Variants in TRAK2 observed in about 807,000 individuals in gnomAD.
TRAK2 encodes trafficking kinesin protein 2, also known as trafficking kinesin-binding protein 2.
In TRAK2, 81 loss-of-function variants were observed where a neutral mutation model predicts 104.6. The observed-to-expected ratio is 0.77, with a 90% CI of 0.65 to 0.93. TRAK2 has a LOEUF of 0.93. Among genes scored for constraint, TRAK2 ranks in the 40% least tolerant of loss-of-function variants. TRAK2 has a pLI of 0.00. For missense variants in TRAK2, 1,002 were observed against 1,089.0 expected (o/e 0.92, Z 1.12); for synonymous variants, 406 against 394.4 (o/e 1.03, Z -0.35).
intron 1 of TRAK2, among the ~76,000 whole-genome samples, chr2:201,426,206 C>G (rs1052524108): frequency 6.6e-6 from 1 of 152,196 alleles, no homozygotes; most frequent in African/African-American, 2.4e-5. Flanking sequence ...TGCCTGAGCT[C>G]TGCCTCCTGT....
chr2:201,439,300 T>G (rs1273565708), intron 1 of TRAK2, among the ~76,000 whole-genome samples: 1 of 152,202 alleles, frequency 6.6e-6, no homozygotes, highest in Non-Finnish European at 1.5e-5. Flanking sequence ...CTATACCAAC[T>G]AAGCTCATCG....
chr2:201,386,532 C>T (rs755706212), intron 13 of TRAK2, 48 bp from the exon 14 acceptor site: 19 of 1,596,376 alleles, frequency 1.2e-5, no homozygotes, highest in Non-Finnish European at 1.6e-5. Context: ...TTACATTTCC[C>T]ACAAATCTTA....
At chr2:201,450,756 A>T (rs994210564) in intron 1 of TRAK2, among the ~76,000 whole-genome samples, 1 of 151,912 alleles carries the variant, frequency 6.6e-6, no homozygotes, top group African/African-American at 2.4e-5. Flanking sequence ...AAGAGCAAGT[A>T]ACATCCCTAT....
chr2:201,386,128 T>A, intron 14 of TRAK2, 90 bp downstream of exon 14: 1 of 1,406,492 alleles, frequency 7.1e-7, no homozygotes, highest in East Asian at 2.3e-5. Context: ...TACCCTCCAG[T>A]GAGCAGAGGT....
chr2:201,393,449 A>C (rs1951466571), intron 9 of TRAK2, among the ~76,000 whole-genome samples: 1 of 152,180 alleles, frequency 6.6e-6, no homozygotes, highest in African/African-American at 2.4e-5. Context: ...AGAGCCTACA[A>C]AGTGTTATAT....
At chr2:201,435,505 A>G (rs1559454203) in intron 1 of TRAK2, among the ~76,000 whole-genome samples, 1 of 152,232 alleles carries the variant, frequency 6.6e-6, no homozygotes, top group Non-Finnish European at 1.5e-5. Flanking sequence ...AACACTGCAA[A>G]AGCCTTTTCA....
rs753726028 is a variant in TRAK2 at position 201,399,454 on chromosome 2, C to T, written c.403G>A (p.Ala135Thr). ...AAGACATGGTTCCGCTTTAAGAGAG[C>T]TTGTCCAATTCGAGCAGCGAGTTCC... ...DLELAARIGQ[A>T]LLKRNHVLSE... The change falls in exon 5 of 16, where the codon GCT becomes ACT. Residue 135 changes from alanine (A) to threonine (T), a missense_variant. Transcript: ENST00000332624. 5 of 1,612,740 alleles carry T rather than the reference C, an allele frequency of 3.1e-6. No homozygotes were observed. The South Asian group carries it at 4.4e-5, about 14-fold the overall frequency.
intron 9 of TRAK2, among the ~76,000 whole-genome samples, chr2:201,394,543 G>T (rs568743367): frequency 2.2e-3 from 328 of 152,096 alleles, no homozygotes; most frequent in African/African-American, 7.4e-3. Context: ...GTTTCACCAT[G>T]TTGGCCAGGC....
chr2:201,413,433 T>G, intron 2 of TRAK2: 1 of 433,778 alleles, frequency 2.3e-6, no homozygotes, highest in Non-Finnish European at 4.1e-6. Flanking sequence ...ACGTGGCAGC[T>G]GGAGGAGGGA....
At chr2:201,449,979 C>T (rs1404782407) in intron 1 of TRAK2, among the ~76,000 whole-genome samples, 1 of 152,010 alleles carries the variant, frequency 6.6e-6, no homozygotes, top group East Asian at 1.9e-4. Flanking sequence ...AGGAGTGAGC[C>T]ACAGCGCCCG....
chr2:201,437,033 T>G (rs888372747), intron 1 of TRAK2, among the ~76,000 whole-genome samples: 24 of 152,230 alleles, frequency 1.6e-4, no homozygotes, highest in African/African-American at 4.8e-4. Flanking sequence ...TAAGACTCAT[T>G]GTTTTTCAAA....
At position 201,389,881 on chromosome 2, in the gene TRAK2, C is replaced by T. The variant is rs906059713; in HGVS notation, c.1114-1G>A. Reference sequence around the variant, plus strand: ...CCTCAATCTCAGCTGCCAAAGATTCCTAAGAAAAAGAGTTTGAGATTTCTA... The same window carrying T: ...CCTCAATCTCAGCTGCCAAAGATTCTTAAGAAAAAGAGTTTGAGATTTCTA... On this transcript the variant is annotated splice_acceptor_variant, in intron 10 of 15. Transcript: ENST00000332624. LOFTEE classifies it high-confidence loss of function. 1.2e-6 allele frequency: 2 copies of T among 1,611,870 alleles called. No homozygotes were observed. The highest frequency in any genetic ancestry group is 1.7e-6 in the Non-Finnish European group (2 of 1,179,018).
chr2:201,400,948 A>G (rs1194922524), intron 4 of TRAK2, 70 bp downstream of exon 4: 2 of 1,292,048 alleles, frequency 1.5e-6, no homozygotes, highest in Middle Eastern at 1.9e-4. Flanking sequence ...TTTGATGTGC[A>G]AATTTGATAG....
intron 7 of TRAK2, among the ~76,000 whole-genome samples, chr2:201,396,324 G>T (rs1221701066): frequency 6.6e-6 from 1 of 152,090 alleles, no homozygotes; most frequent in Non-Finnish European, 1.5e-5. Context: ...ATTCCTTCCG[G>T]TTCTCTAGTA....
intron 1 of TRAK2, among the ~76,000 whole-genome samples, chr2:201,429,853 CAA>C (rs919479615): frequency 3.9e-5 from 6 of 152,304 alleles, no homozygotes; most frequent in Non-Finnish European, 5.9e-5. Context: ...GTCAACTTGT[CAA>C]AGTCATTCTC....
At chr2:201,443,879 T>C (rs1023261982) in intron 1 of TRAK2, among the ~76,000 whole-genome samples, 1 of 152,168 alleles carries the variant, frequency 6.6e-6, no homozygotes, top group Non-Finnish European at 1.5e-5. Flanking sequence ...GCAGCAAGAA[T>C]AGTGTTTTTA....
rs758308661 is a variant in TRAK2, at chr2:201,420,425, C to T, written c.83G>A (p.Ser28Asn). Residue 28 changes from serine (S) to asparagine (N), a missense_variant, in exon 2 of 16, where the codon AGC becomes AAC. Transcript: ENST00000332624. ...LMNSNHRDSE[S>N]ITDVCSNEDL... ...TATTAAACTGGACTTACCAGTGATG[C>T]TCTCCGAGTCTCTGTGATTGCTATT... The T allele has an allele frequency of 6.2e-6, 10 of 1,613,734 alleles. No homozygotes were observed. The East Asian group carries it at 2.2e-4, about 36-fold the overall frequency.
intron 1 of TRAK2, among the ~76,000 whole-genome samples, chr2:201,441,094 C>T (rs190911641): frequency 6.6e-6 from 1 of 152,304 alleles, no homozygotes; most frequent in East Asian, 1.9e-4. Flanking sequence ...GATATTAATA[C>T]ATTTTCAATA....
intron 1 of TRAK2, among the ~76,000 whole-genome samples, chr2:201,430,105 G>A (rs1166273444): frequency 6.6e-6 from 1 of 152,226 alleles, no homozygotes; most frequent in Non-Finnish European, 1.5e-5. Context: ...TCCAGACGCT[G>A]TTTGCCTGGG....
Sources: gnomAD v4.1 joint callset for allele counts (sites outside exome capture counted in the v4.1 genomes callset) on GRCh38, gnomAD v4.1.1 for gene constraint, MANE v1.5 for transcripts, NCBI Gene and HGNC (gene_info 2026-07-23, HGNC 2026-07-21) for gene names.